WDR25: variants seen among roughly 807,000 people sequenced by gnomAD.
WDR25 encodes WD repeat-containing protein 25.
A neutral mutation model predicts 47.7 loss-of-function variants in WDR25; 35 were observed. That is an observed-to-expected ratio of 0.73 (90% CI 0.56 to 0.97). The LOEUF (loss-of-function observed/expected upper bound fraction) is 0.97, where lower values mean the gene tolerates loss of function less well. Among genes scored for constraint, WDR25 ranks in the 50% least tolerant of loss-of-function variants. The pLI is 0.00. For synonymous variants in WDR25, 248 were observed against 278.9 expected (o/e 0.89, Z 1.10); for missense variants, 634 against 704.7 (o/e 0.90, Z 1.14).
chr14:100,386,175 A>G, intron 2 of WDR25, among the ~76,000 whole-genome samples: 1 of 152,254 alleles, frequency 6.6e-6, no homozygotes, highest in Middle Eastern at 3.2e-3. Context: ...ATTTTTGACC[A>G]TGAATGTAAT....
chr14:100,438,017 C>T (rs1369535586), intron 2 of WDR25, among the ~76,000 whole-genome samples: 1 of 152,192 alleles, frequency 6.6e-6, no homozygotes. Flanking sequence ...ATGATTGTCC[C>T]ATTTCTAAAC....
chr14:100,387,066 C>G (rs1181164737), intron 2 of WDR25, among the ~76,000 whole-genome samples: 1 of 151,692 alleles, frequency 6.6e-6, no homozygotes, highest in Non-Finnish European at 1.5e-5. Flanking sequence ...GGGAAAATCA[C>G]TTAGCCTCTC....
In WDR25 at chr14:100,449,657, C is replaced by A. The variant is rs903313990; in HGVS notation, c.823-18364C>A. On this transcript the variant is annotated intron_variant, in intron 2 of 6. Coordinates refer to ENST00000402312, the MANE Select transcript of WDR25 (RefSeq NM_001161476.3). This position sits in a 1 kb window ranked among gnomAD's most constrained non-coding sequence, Gnocchi z 4.2. ...CTAAATCAGGTGATGCTTCCAGGAG[C>A]CCCCACTCAGTAACTGCTGAGAGCA... 6.6e-6 allele frequency among the ~76,000 whole-genome samples: 1 copy of A among 152,172 alleles called. No homozygotes were observed. The highest frequency in any genetic ancestry group is 1.5e-5 in the Non-Finnish European group (1 of 68,018).
intron 5 of WDR25, among the ~76,000 whole-genome samples, chr14:100,527,991 T>C (rs114757346): frequency 0.012 from 1,798 of 151,814 alleles, 35 homozygotes; most frequent in African/African-American, 0.041. Flanking sequence ...GTTTTGAGGT[T>C]TGTGCCTGCA....
Position 100,381,924 on chromosome 14 carries a change from C to T in WDR25, c.822+178C>T, listed in dbSNP as rs1896912232. On this transcript the variant is annotated intron_variant, in intron 2 of 6. Transcript: ENST00000402312. ...GTCAGCTCCGGGTTGTGGGTTCCTT[C>T]TGCCCCAACCCTTCCCTGATGCTGC... is the stretch of plus-strand genomic sequence containing the variant. The T allele has an allele frequency of 1.3e-5, 8 of 636,382 alleles. No homozygotes were observed. In the East Asian group the frequency reaches 2.2e-4, roughly 17 times the overall value. 39.4% of individuals were successfully genotyped at this position (636,382 alleles called of 1,614,324 possible).
intron 2 of WDR25, among the ~76,000 whole-genome samples, chr14:100,445,160 G>C (rs1156839811): frequency 6.6e-6 from 1 of 152,146 alleles, no homozygotes; most frequent in Non-Finnish European, 1.5e-5. Flanking sequence ...TACCCTATGA[G>C]TTCTCAGACA....
At chr14:100,443,579 C>G (rs1011487770) in intron 2 of WDR25, among the ~76,000 whole-genome samples, 1 of 152,222 alleles carries the variant, frequency 6.6e-6, no homozygotes, top group Non-Finnish European at 1.5e-5. Flanking sequence ...ATCATTGCTG[C>G]AGCCTCATGT....
chr14:100,470,526 G>A (rs1312046083), intron 3 of WDR25, among the ~76,000 whole-genome samples: 1 of 152,216 alleles, frequency 6.6e-6, no homozygotes, highest in East Asian at 1.9e-4. Flanking sequence ...CTTGACAGGG[G>A]GTTCTGAAAT....
chr14:100,529,743 T>C lies in WDR25; in HGVS notation c.1414-77T>C. ...GCTCCGTCAGCTCGGGGCTTCAGCCTGCTCCTCTGTAGAATGGGCATACTC... is the reference window on the plus strand; with the variant it reads ...GCTCCGTCAGCTCGGGGCTTCAGCCCGCTCCTCTGTAGAATGGGCATACTC... On this transcript the variant is annotated intron_variant, in intron 6 of 6. Transcript: ENST00000402312. This position sits in a 1 kb window ranked among gnomAD's most constrained non-coding sequence, Gnocchi z 5.1. The C allele has an allele frequency of 1.3e-6, 2 of 1,488,626 alleles. No homozygotes were observed. Among genetic ancestry groups the C allele is most frequent in the Non-Finnish European group, 1.8e-6 (2 of 1,098,910 alleles). 92.2% of individuals were successfully genotyped at this position (1,488,626 alleles called of 1,614,324 possible).
chr14:100,464,487 C>T (rs1899534344), intron 2 of WDR25, among the ~76,000 whole-genome samples: 1 of 152,186 alleles, frequency 6.6e-6, no homozygotes, highest in Admixed American at 6.5e-5. Flanking sequence ...TTTCCTGTTA[C>T]ACAATGCCTG....
At chr14:100,528,137 C>T (rs1294975190) in intron 5 of WDR25, among the ~76,000 whole-genome samples, 1 of 152,136 alleles carries the variant, frequency 6.6e-6, no homozygotes, top group Admixed American at 6.5e-5. Context: ...CTTTTCTATC[C>T]TTGTGTGATA....
intron 2 of WDR25, among the ~76,000 whole-genome samples, chr14:100,402,511 C>A (rs1897410069): frequency 6.6e-6 from 1 of 152,128 alleles, no homozygotes; most frequent in Admixed American, 6.5e-5. Context: ...CAGAGTGATG[C>A]GCTGTCAGCC....
intron 2 of WDR25, among the ~76,000 whole-genome samples, chr14:100,466,594 G>T (rs1404712943): frequency 3.9e-5 from 6 of 152,176 alleles, no homozygotes; most frequent in African/African-American, 1.4e-4. Flanking sequence ...ACTGCCCTCG[G>T]GGTGGCGCTC....
Position 100,529,278 on chromosome 14 carries a change from G to A in WDR25, c.1413+70G>A. On this transcript the variant is annotated intron_variant, in intron 6 of 6. Coordinates refer to ENST00000402312, the MANE Select transcript of WDR25 (RefSeq NM_001161476.3). This position sits in a 1 kb window ranked among gnomAD's most constrained non-coding sequence, Gnocchi z 5.1. Reference sequence around the variant, plus strand: ...CAAGCCTCCTGGCAGTCCTGGACATGGGCCCTGGGGTGCATGGAGCCTCTG... The same window carrying A: ...CAAGCCTCCTGGCAGTCCTGGACATAGGCCCTGGGGTGCATGGAGCCTCTG... The A allele has an allele frequency of 6.3e-7, 1 of 1,594,204 alleles. No homozygotes were observed. Among genetic ancestry groups the A allele is most frequent in the African/African-American group, 1.3e-5 (1 of 74,734 alleles).
chr14:100,477,053 A>T (rs141326743), intron 3 of WDR25, among the ~76,000 whole-genome samples: 1 of 152,116 alleles, frequency 6.6e-6, no homozygotes, highest in Non-Finnish European at 1.5e-5. Flanking sequence ...TTAACTAAGA[A>T]CTTCTTAGTT....
chr14:100,398,800 C>T (rs1009522537), intron 2 of WDR25, among the ~76,000 whole-genome samples: 1 of 150,132 alleles, frequency 6.7e-6, no homozygotes, highest in Non-Finnish European at 1.5e-5. Context: ...AAGGAATGGA[C>T]TGGAGCTTGT....
rs1196292223 is a variant in WDR25, at chr14:100,499,958, T to C, written c.1101+15834T>C. On this transcript the variant is annotated intron_variant, in intron 4 of 6. Coordinates refer to ENST00000402312, the MANE Select transcript of WDR25 (RefSeq NM_001161476.3). This position sits in a 1 kb window ranked among gnomAD's most constrained non-coding sequence, Gnocchi z 4.4. ...TGGAAATTGACACCAGATAGCTCTG[T>C]CTGGTGGGGAGACAGAGCTGTCCCT... 1.3e-5 allele frequency among the ~76,000 whole-genome samples: 2 copies of C among 152,100 alleles called. No homozygotes were observed. Among genetic ancestry groups the C allele is most frequent in the Admixed American group, 6.5e-5 (1 of 15,282 alleles).
At chr14:100,516,219 G>A (rs1028211215) in intron 4 of WDR25, among the ~76,000 whole-genome samples, 4 of 152,110 alleles carry the variant, frequency 2.6e-5, no homozygotes, top group Admixed American at 6.6e-5. Flanking sequence ...ACAGCCTTTA[G>A]ACTAGGGCCA....
At chr14:100,405,944 G>C (rs1897524634) in intron 2 of WDR25, among the ~76,000 whole-genome samples, 1 of 152,238 alleles carries the variant, frequency 6.6e-6, no homozygotes, top group Non-Finnish European at 1.5e-5. Flanking sequence ...GGCTCAAAAT[G>C]ATGATGCAAT....
Sources: allele counts gnomAD v4.1 joint callset (sites outside exome capture counted in the v4.1 genomes callset), GRCh38; gene constraint gnomAD v4.1.1; non-coding constraint Gnocchi (gnomAD v3.1); transcripts MANE v1.5; gene names NCBI Gene and HGNC (gene_info 2026-07-23, HGNC 2026-07-21).